VPS13B: variants seen among roughly 807,000 people sequenced by gnomAD.
VPS13B encodes vacuolar protein sorting 13 homolog B.
A neutral mutation model predicts 426.4 loss-of-function variants in VPS13B; 285 were observed. The observed-to-expected ratio is 0.67, with a 90% CI of 0.61 to 0.74. VPS13B has a LOEUF of 0.74. Among genes scored for constraint, VPS13B ranks in the 30% least tolerant of loss-of-function variants. The pLI, the probability that VPS13B is intolerant of heterozygous loss-of-function variation, is 0.00. For missense variants in VPS13B, 4,537 were observed against 4,782.6 expected (o/e 0.95, Z 1.51); for synonymous variants, 1,676 against 1,676.4 (o/e 1.00, Z 0.01).
chr8:99,110,143 T>G (rs1206402126), intron 5 of VPS13B, among the ~76,000 whole-genome samples: 1 of 152,162 alleles, frequency 6.6e-6, no homozygotes, highest in Non-Finnish European at 1.5e-5. Context: ...TTCTTTAATT[T>G]CTACTTTTTA....
chr8:99,125,572 G>A (rs758080031), intron 8 of VPS13B, among the ~76,000 whole-genome samples: 6 of 152,160 alleles, frequency 3.9e-5, no homozygotes, highest in Non-Finnish European at 5.9e-5. Flanking sequence ...GAGGTATTTA[G>A]AATATGCAAA....
At chr8:99,355,358 C>G (rs1430216806) in intron 19 of VPS13B, among the ~76,000 whole-genome samples, 2 of 152,008 alleles carry the variant, frequency 1.3e-5, no homozygotes, top group African/African-American at 2.4e-5. Context: ...TTTGGGAGGC[C>G]GAGGCGGGTA....
intron 60 of VPS13B, 125 bp from the exon 61 acceptor site, chr8:99,871,323 G>A: frequency 1.4e-6 from 2 of 1,399,786 alleles, no homozygotes; most frequent in East Asian, 2.3e-5. Flanking sequence ...AAGCTAAAAT[G>A]GGTAACTGGA....
At chr8:99,546,113 C>T (rs1181288085) in intron 30 of VPS13B, among the ~76,000 whole-genome samples, 1 of 151,980 alleles carries the variant, frequency 6.6e-6, no homozygotes, top group Non-Finnish European at 1.5e-5. Context: ...TTTGAGAATA[C>T]TAACTTCTGT....
intron 35 of VPS13B, among the ~76,000 whole-genome samples, chr8:99,674,819 A>G (rs1005143219): frequency 6.6e-6 from 1 of 152,136 alleles, no homozygotes; most frequent in Admixed American, 6.5e-5. Flanking sequence ...ATCTTTGATC[A>G]TGTACACAAA....
chr8:99,068,238 A>C (rs1844650279), intron 3 of VPS13B, among the ~76,000 whole-genome samples: 1 of 152,194 alleles, frequency 6.6e-6, no homozygotes. Context: ...TGCCAAGCAT[A>C]AATTTTGTGC....
intron 35 of VPS13B, among the ~76,000 whole-genome samples, chr8:99,673,984 G>C (rs1244977790): frequency 6.6e-6 from 1 of 151,972 alleles, no homozygotes. Context: ...TATGATTGCA[G>C]TCTTCTTAAA....
At chr8:99,616,035 A>G (rs1828071256) in intron 33 of VPS13B, among the ~76,000 whole-genome samples, 1 of 152,200 alleles carries the variant, frequency 6.6e-6, no homozygotes, top group Non-Finnish European at 1.5e-5. Flanking sequence ...TCTCCTCTAC[A>G]GATTCAGTAG....
chr8:99,832,341 A>G (rs1227850403), intron 51 of VPS13B, 28 bp from the exon 52 acceptor site: 1 of 936,944 alleles, frequency 1.1e-6, no homozygotes, highest in Non-Finnish European at 1.4e-6. Context: ...TGCTCTCTGC[A>G]TTTTTTTTTT....
intron 43 of VPS13B, among the ~76,000 whole-genome samples, chr8:99,789,564 A>G (rs982036887): frequency 6.6e-6 from 1 of 152,178 alleles, no homozygotes; most frequent in African/African-American, 2.4e-5. Context: ...TAAGTCTCCC[A>G]GTAGTAATCT....
intron 23 of VPS13B, among the ~76,000 whole-genome samples, chr8:99,448,125 A>T (rs144338556): frequency 1.2e-4 from 9 of 77,820 alleles, no homozygotes; most frequent in African/African-American, 2.7e-4. Context: ...TTTTATTTTT[A>T]TTTATTTATT....
intron 33 of VPS13B, among the ~76,000 whole-genome samples, chr8:99,599,541 T>C (rs562514886): frequency 5.9e-5 from 9 of 152,210 alleles, no homozygotes; most frequent in African/African-American, 2.2e-4. Context: ...CGTGGTTTGC[T>C]TGGTTTCCTA....
intron 2 of VPS13B, among the ~76,000 whole-genome samples, chr8:99,020,123 A>G (rs767469789): frequency 8.7e-5 from 13 of 150,020 alleles, no homozygotes; most frequent in Non-Finnish European, 1.5e-4. Flanking sequence ...AGTGCTCCGT[A>G]TCGTCACTAA....
chr8:99,534,461 TTG>T (rs1823090162), intron 30 of VPS13B, among the ~76,000 whole-genome samples: 1 of 152,206 alleles, frequency 6.6e-6, no homozygotes, highest in Non-Finnish European at 1.5e-5. Context: ...CATAACAGTT[TTG>T]TGTTACGAAT....
In VPS13B at chr8:99,868,309, G is replaced by C; in HGVS notation, c.11236G>C (p.Asp3746His). 6.2e-7 allele frequency: 1 copy of C among 1,614,156 alleles called. No individual in the cohort carries two copies. Among genetic ancestry groups the C allele is most frequent in the Non-Finnish European group, 8.5e-7 (1 of 1,180,032 alleles). Residue 3746 changes from aspartate (D) to histidine (H), a missense_variant, in exon 59 of 62, where the codon GAT (aspartate) becomes CAT (histidine). By Grantham distance (81) the Asp-to-His change is moderately conservative (BLOSUM62 -1). Transcript: ENST00000357162. The stretch of plus-strand genomic sequence containing the variant: ...TCCAGGTGCAATTGCTGGTATAGTT[G>C]ATCAGCCGATGCAGAACTTCCAGAA... Reference protein sequence around the residue: ...SLLGAIAGIVDQPMQNFQKTS... With the variant: ...SLLGAIAGIVHQPMQNFQKTS...
In VPS13B at chr8:99,250,664, C is replaced by CTTTTTTTTTTTTTTTTTTTTTTTT. The variant is rs60698750; in HGVS notation, c.2516-23519_2516-23496dup. 5.6e-5 allele frequency among the ~76,000 whole-genome samples: 2 copies of CTTTTTTTTTTTTTTTTTTTTTTTT among 35,770 alleles called. 1 individual carries two copies. Among genetic ancestry groups the CTTTTTTTTTTTTTTTTTTTTTTTT allele is most frequent in the East Asian group, 2.3e-3 (2 of 882 alleles). 23.5% of individuals were successfully genotyped at this position (35,770 alleles called of 152,430 possible). On this transcript the variant is annotated intron_variant, in intron 17 of 61. Coordinates refer to ENST00000357162, the MANE Select transcript of VPS13B (RefSeq NM_152564.5). ...CTGTCCACTAATCCGTGTGTTTATTCTTTTTTTTTTTTTTTTTTTTTTTTT... is the reference window on the plus strand; with the variant it reads ...CTGTCCACTAATCCGTGTGTTTATTCTTTTTTTTTTTTTTTTTTTTTTTTTTTTTTTTTTTTTTTTTTTTTTTTT...
intron 8 of VPS13B, among the ~76,000 whole-genome samples, chr8:99,133,317 A>G (rs542205474): frequency 6.6e-6 from 1 of 152,326 alleles, no homozygotes; most frequent in African/African-American, 2.4e-5. Flanking sequence ...ATTAGCCTAC[A>G]TAGAATTTAA....
intron 4 of VPS13B, among the ~76,000 whole-genome samples, chr8:99,100,575 C>T (rs1210304250): frequency 1.3e-5 from 2 of 152,076 alleles, no homozygotes; most frequent in East Asian, 3.9e-4. Flanking sequence ...TAGGTGTAAG[C>T]CACCATGCCC....
At chr8:99,124,444 G>A (rs1232677102) in intron 8 of VPS13B, among the ~76,000 whole-genome samples, 2 of 152,106 alleles carry the variant, frequency 1.3e-5, no homozygotes, top group African/African-American at 4.8e-5. Context: ...TAAAAAACTG[G>A]TATTCAAACA....
Sources: gnomAD v4.1 joint callset for allele counts (sites outside exome capture counted in the v4.1 genomes callset) on GRCh38, gnomAD v4.1.1 for gene constraint, MANE v1.5 for transcripts, NCBI Gene and HGNC (gene_info 2026-07-23, HGNC 2026-07-21) for gene names.